Variants in CORIN observed in about 807,000 individuals in gnomAD.
The protein encoded by CORIN is corin, serine peptidase, also known as atrial natriuretic peptide-converting enzyme.
A neutral mutation model predicts 125.3 loss-of-function variants in CORIN; 117 were observed. That is an observed-to-expected ratio of 0.93 (90% CI 0.80 to 1.09). CORIN has a LOEUF of 1.09. CORIN is among the 50% of genes least tolerant of loss of function. The probability of loss-of-function intolerance (pLI) is 0.00; values close to 1 mark genes in which losing one functional copy is unlikely to be tolerated. For synonymous variants in CORIN, 450 were observed against 466.4 expected (o/e 0.96, Z 0.45); for missense variants, 1,253 against 1,306.7 (o/e 0.96, Z 0.63).
chr4:47,734,950 T>G (rs1451396523), intron 5 of CORIN, among the ~76,000 whole-genome samples: 1 of 152,212 alleles, frequency 6.6e-6, no homozygotes, highest in Non-Finnish European at 1.5e-5. Flanking sequence ...CAGATACAGA[T>G]TAAAATTATG....
chr4:47,828,863 GA>G (rs562068277), intron 1 of CORIN, among the ~76,000 whole-genome samples: 3 of 150,554 alleles, frequency 2.0e-5, no homozygotes, highest in Admixed American at 6.6e-5. Context: ...GACTTGTTAT[GA>G]AAAAAAAAGG....
At chr4:47,768,242 C>T (rs1478337538) in intron 3 of CORIN, among the ~76,000 whole-genome samples, 1 of 152,170 alleles carries the variant, frequency 6.6e-6, no homozygotes, top group South Asian at 2.1e-4. Flanking sequence ...GGACTCAGCC[C>T]GCCTGCACCC....
chr4:47,770,803 T>C (rs536764571), intron 3 of CORIN, among the ~76,000 whole-genome samples: 1 of 152,220 alleles, frequency 6.6e-6, no homozygotes, highest in East Asian at 1.9e-4. Flanking sequence ...ATGATTTCAC[T>C]TATATGTGGA....
chr4:47,806,509 C>T (rs1731802404), intron 2 of CORIN, among the ~76,000 whole-genome samples: 1 of 152,178 alleles, frequency 6.6e-6, no homozygotes, highest in Non-Finnish European at 1.5e-5. Context: ...CTCCATGATG[C>T]TTTCTTTGAA....
In CORIN at chr4:47,661,855, C is replaced by G; in HGVS notation, c.1591G>C (p.Ala531Pro). ...NTGEHIPPCR[A>P]LCEHSKERCE... is the part of the protein sequence containing the mutation. ...CGTTCTTTAGAGTGTTCACACAATG[C>G]CCTAGATGAACAAGAAAGACAAAAC... is the stretch of plus-strand genomic sequence containing the variant. The change falls in exon 12 of 22, where the codon GCA becomes CCA. Residue 531 changes from alanine (A) to proline (P), a missense_variant and splice_region_variant. Physicochemically the swap from Ala to Pro is conservative, Grantham distance 27. Coordinates refer to ENST00000273857, the MANE Select transcript of CORIN (RefSeq NM_006587.4). 6.3e-7 allele frequency: 1 copy of G among 1,588,002 alleles called. No homozygotes were observed. The highest frequency in any genetic ancestry group is 8.6e-7 in the Non-Finnish European group (1 of 1,164,972).
intron 5 of CORIN, among the ~76,000 whole-genome samples, chr4:47,716,163 T>C (rs1047995047): frequency 2.6e-5 from 4 of 152,222 alleles, no homozygotes; most frequent in Non-Finnish European, 4.4e-5. Flanking sequence ...AGTAACAGGA[T>C]GATCTATGAT....
At position 47,643,179 on chromosome 4, in the gene CORIN, C is replaced by G. The variant is rs766263541; in HGVS notation, c.2035G>C (p.Asp679His). Residue 679 changes from aspartate (D) to histidine (H), a missense_variant, in exon 15 of 22, where the codon GAC becomes CAC. Physicochemically the swap from Asp to His is moderately conservative, Grantham distance 81 (BLOSUM62 -1). Coordinates refer to ENST00000273857, the MANE Select transcript of CORIN (RefSeq NM_006587.4). ...SRDLWCDGEA[D>H]CSDSSDEWDC... ...CATTCATCTGAACTGTCTGAGCAGT[C>G]GGCTTCACCATCACACCACAGGTCA... The G allele has an allele frequency of 1.9e-6, 3 of 1,614,062 alleles. No individual in the cohort carries two copies. The highest frequency in any genetic ancestry group is 2.5e-6 in the Non-Finnish European group (3 of 1,179,962).
At chr4:47,771,307 G>T (rs61764276) in intron 3 of CORIN, among the ~76,000 whole-genome samples, 7 of 152,052 alleles carry the variant, frequency 4.6e-5, no homozygotes, top group Non-Finnish European at 1.0e-4. Flanking sequence ...GAAACATTTT[G>T]CCAGAATGAT....
intron 5 of CORIN, among the ~76,000 whole-genome samples, chr4:47,711,013 T>TG (rs1438393945): frequency 6.6e-6 from 1 of 152,180 alleles, no homozygotes; most frequent in Non-Finnish European, 1.5e-5. Flanking sequence ...CACCCACCCA[T>TG]GAAGGCAGCC....
intron 6 of CORIN, among the ~76,000 whole-genome samples, chr4:47,685,711 A>G (rs1042043152): frequency 2.6e-5 from 4 of 152,170 alleles, no homozygotes; most frequent in Non-Finnish European, 5.9e-5. Context: ...TGCATTTTAC[A>G]GAAACTAGAT....
At chr4:47,595,992 C>T in intron 21 of CORIN, 89 bp from the exon 22 acceptor site, 1 of 997,420 alleles carries the variant, frequency 1.0e-6, no homozygotes, top group Non-Finnish European at 1.4e-6. Flanking sequence ...TAAAGCTAAA[C>T]CCAGATTAAC....
intron 16 of CORIN, among the ~76,000 whole-genome samples, chr4:47,630,030 T>A (rs1722746410): frequency 6.6e-6 from 1 of 152,188 alleles, no homozygotes; most frequent in South Asian, 2.1e-4. Context: ...CACACCATGT[T>A]CTTTTGATAG....
chr4:47,770,611 T>C (rs1729981636), intron 3 of CORIN, among the ~76,000 whole-genome samples: 1 of 152,176 alleles, frequency 6.6e-6, no homozygotes, highest in South Asian at 2.1e-4. Context: ...ATAGCGAAGA[T>C]ATGGACTCAA....
At chr4:47,696,197 A>G (rs1725993888) in intron 5 of CORIN, among the ~76,000 whole-genome samples, 1 of 152,224 alleles carries the variant, frequency 6.6e-6, no homozygotes, top group African/African-American at 2.4e-5. Context: ...TTTTTCTACC[A>G]TAAATATCAC....
chr4:47,598,031 C>A (rs184112985), intron 21 of CORIN, among the ~76,000 whole-genome samples: 1 of 152,172 alleles, frequency 6.6e-6, no homozygotes, highest in Non-Finnish European at 1.5e-5. Flanking sequence ...AGGTAGGCAC[C>A]CCATTAAGTG....
chr4:47,715,250 G>A (rs1727033554), intron 5 of CORIN, among the ~76,000 whole-genome samples: 1 of 152,170 alleles, frequency 6.6e-6, no homozygotes, highest in Non-Finnish European at 1.5e-5. Flanking sequence ...ATCTATCCAA[G>A]TAGTACTTTT....
intron 14 of CORIN, 54 bp from the exon 15 acceptor site, chr4:47,643,310 T>G (rs1723317030): frequency 6.7e-7 from 1 of 1,489,708 alleles, no homozygotes; most frequent in East Asian, 2.3e-5. Flanking sequence ...TAAATGTGAT[T>G]ATCACTAACA....
chr4:47,801,526 C>T (rs1731539852), intron 2 of CORIN, among the ~76,000 whole-genome samples: 1 of 152,206 alleles, frequency 6.6e-6, no homozygotes, highest in South Asian at 2.1e-4. Flanking sequence ...CTGAAGAAGA[C>T]AGTAAAGAGG....
At chr4:47,677,893 G>T in intron 9 of CORIN, 45 bp downstream of exon 9, 1 of 1,317,398 alleles carries the variant, frequency 7.6e-7, no homozygotes, top group Non-Finnish European at 1.1e-6. Context: ...CCCAAGGAGA[G>T]GACCACCAGT....
Sources: gnomAD v4.1 joint callset for allele counts (sites outside exome capture counted in the v4.1 genomes callset) on GRCh38, gnomAD v4.1.1 for gene constraint, MANE v1.5 for transcripts, NCBI Gene and HGNC (gene_info 2026-07-23, HGNC 2026-07-21) for gene names.